The following ABCB1 variants were observed in gnomAD, a reference collection of about 807,000 sequenced individuals.
ABCB1 encodes the protein ATP binding cassette subfamily B member 1.
ABCB1 carries 69 observed loss-of-function variants against 142.0 expected under a neutral mutation model. The ratio of observed to expected loss-of-function variants is 0.49; its 90% CI spans 0.40 to 0.59. The LOEUF is 0.59. Ranked by LOEUF, ABCB1 falls within the 20% of genes least tolerant of loss-of-function variation. The pLI is 0.00. For missense variants in ABCB1, 1,326 were observed against 1,554.7 expected, an observed-to-expected ratio of 0.85 and a Z score of 2.47; for synonymous variants, 532 against 539.2, an observed-to-expected ratio of 0.99 and a Z score of 0.18.
chr7:87,675,653 CAAAAAAAA>C (rs200136132), intron 1 of ABCB1, among the ~76,000 whole-genome samples: 14,547 of 65,906 alleles, frequency 0.22, 1,001 homozygotes, highest in Admixed American at 0.35. Context: ...TATTCACATG[CAAAAAAAA>C]AAAAAAAAAA....
intron 1 of ABCB1, among the ~76,000 whole-genome samples, chr7:87,615,966 A>C (rs982648563): frequency 6.6e-6 from 1 of 152,260 alleles, no homozygotes; most frequent in Non-Finnish European, 1.5e-5. Context: ...AGGAGAGCAT[A>C]ACAAGCTCAT....
At chr7:87,598,339 G>T (rs537646501) in intron 2 of ABCB1, among the ~76,000 whole-genome samples, 1 of 152,050 alleles carries the variant, frequency 6.6e-6, no homozygotes, top group Non-Finnish European at 1.5e-5. Context: ...AAATGTTTTT[G>T]CAGATATATT....
upstream of ABCB1, chr7:87,603,084 C>A (rs927268443): frequency 6.6e-6 from 1 of 152,220 alleles, no homozygotes; most frequent in African/African-American, 2.4e-5. Flanking sequence ...ACCAACTTGT[C>A]TATACTCTGA....
At chr7:87,613,077 A>T (rs376614663) in intron 1 of ABCB1, among the ~76,000 whole-genome samples, 1 of 146,324 alleles carries the variant, frequency 6.8e-6, no homozygotes. Flanking sequence ...CAGCTTGGTC[A>T]TTGGTGCATA....
intron 1 of ABCB1, among the ~76,000 whole-genome samples, chr7:87,653,348 A>G (rs1348401362): frequency 6.6e-6 from 1 of 152,132 alleles, no homozygotes; most frequent in Non-Finnish European, 1.5e-5. Flanking sequence ...GCCAGGTTGG[A>G]GAAGTTAGGC....
At chr7:87,646,029 A>G (rs1822966505) in intron 1 of ABCB1, among the ~76,000 whole-genome samples, 1 of 152,202 alleles carries the variant, frequency 6.6e-6, no homozygotes, top group Non-Finnish European at 1.5e-5. Flanking sequence ...CTTGAAAATC[A>G]TAGAAATTGT....
intron 2 of ABCB1, 61 bp from the exon 3 acceptor site, chr7:87,595,875 A>C: frequency 7.8e-7 from 1 of 1,288,468 alleles, no homozygotes; most frequent in Non-Finnish European, 1.1e-6. Context: ...TAAATTACCC[A>C]AATTAACATA....
At chr7:87,568,689 A>G (rs916004624) in intron 5 of ABCB1, among the ~76,000 whole-genome samples, 1 of 152,334 alleles carries the variant, frequency 6.6e-6, no homozygotes, top group Middle Eastern at 3.4e-3. Flanking sequence ...CTACCTTGTA[A>G]CTTACAATGC....
At position 87,504,300 on chromosome 7, in the gene ABCB1, T is replaced by G; in HGVS notation, c.3786A>C (p.Ala1262=). The part of the protein sequence containing the change: ...KEHGTHQQLL[A]QKGIYFSMVS... Reference sequence around the variant, plus strand: ...CCATTGAAAAATAGATGCCTTTCTGTGCCAGCAGCTGCTGATGCGTGCCAT... The same window carrying G: ...CCATTGAAAAATAGATGCCTTTCTGGGCCAGCAGCTGCTGATGCGTGCCAT... The change falls in exon 28 of 28, where the codon GCA becomes GCC. Residue 1262 remains alanine (A), a synonymous_variant. Transcript: ENST00000622132. The G allele has an allele frequency of 6.2e-7, 1 of 1,614,044 alleles. No individual in the cohort carries two copies. The highest frequency in any genetic ancestry group is 8.5e-7 in the Non-Finnish European group (1 of 1,180,016).
intron 16 of ABCB1, 28 bp from the exon 17 acceptor site, chr7:87,544,303 C>T (rs1816673773): frequency 1.6e-5 from 25 of 1,610,278 alleles, no homozygotes; most frequent in Non-Finnish European, 1.8e-5. Context: ...TTACAACAGG[C>T]TAGTTAAAAA....
chr7:87,556,514 G>T (rs1817316720), intron 8 of ABCB1, among the ~76,000 whole-genome samples: 1 of 152,176 alleles, frequency 6.6e-6, no homozygotes, highest in South Asian at 2.1e-4. Flanking sequence ...AGAAGGGAAG[G>T]AGAAGAACAG....
intron 1 of ABCB1, chr7:87,629,135 T>A: frequency 2.2e-6 from 1 of 451,122 alleles, no homozygotes; most frequent in Non-Finnish European, 3.7e-6. Flanking sequence ...GTCGCAGCCC[T>A]GGACTTTGTG....
At chr7:87,619,131 TACA>T (rs1220926787) in intron 1 of ABCB1, among the ~76,000 whole-genome samples, 3 of 152,214 alleles carry the variant, frequency 2.0e-5, no homozygotes, top group Non-Finnish European at 4.4e-5. Context: ...TAATTTGTTA[TACA>T]ACAATAGAAA....
At chr7:87,544,314 CTTT>C in intron 16 of ABCB1, 39 bp from the exon 17 acceptor site, 1 of 1,601,864 alleles carries the variant, frequency 6.2e-7, no homozygotes, top group Non-Finnish European at 8.5e-7. Flanking sequence ...TAGTTAAAAA[CTTT>C]TATATGTACA....
intron 1 of ABCB1, among the ~76,000 whole-genome samples, chr7:87,671,774 T>TTCCGGTTGCC (rs1825846735): frequency 6.6e-6 from 1 of 152,114 alleles, no homozygotes; most frequent in Admixed American, 6.5e-5. Context: ...GGAGGTCCAC[T>TTCCGGTTGCC]TCAGCCCCCG....
At position 87,520,781 on chromosome 7, in the gene ABCB1, T is replaced by C. The variant is rs779463513; in HGVS notation, c.2781A>G (p.Pro927=). The C allele has an allele frequency of 1.5e-5, 25 of 1,613,150 alleles. No homozygotes were observed. The highest frequency in any genetic ancestry group is 2.0e-5 in the Non-Finnish European group (24 of 1,179,250). ...CACTCTTCAGCGGTTATTACCTGTA[T>C]GGTACCTGCAAACTCTGAGCATACA... ...EHMYAQSLQV[P]YRNSLRKAHI... The change falls in exon 22 of 28, where the codon CCA becomes CCG. Residue 927 remains proline, a synonymous_variant. Transcript: ENST00000622132.
intron 1 of ABCB1, among the ~76,000 whole-genome samples, chr7:87,668,262 G>A (rs1181740880): frequency 1.3e-5 from 2 of 152,018 alleles, no homozygotes; most frequent in African/African-American, 4.8e-5. Flanking sequence ...AGGTTTTCTA[G>A]TTTGTGTATG....
intron 25 of ABCB1, among the ~76,000 whole-genome samples, chr7:87,513,753 T>C (rs901576456): frequency 1.3e-4 from 20 of 152,214 alleles, no homozygotes; most frequent in African/African-American, 4.3e-4. Context: ...CCTATCTCCT[T>C]TAACTCACAA....
At chr7:87,566,717 A>G (rs1817796560) in intron 6 of ABCB1, 68 bp downstream of exon 6, 1 of 1,458,776 alleles carries the variant, frequency 6.9e-7, no homozygotes, top group Non-Finnish European at 9.6e-7. Flanking sequence ...AACAGATGTG[A>G]TGACATCTAT....
Sources: gnomAD v4.1 joint callset for allele counts (sites outside exome capture counted in the v4.1 genomes callset) on GRCh38, gnomAD v4.1.1 for gene constraint, MANE v1.5 for transcripts, NCBI Gene and HGNC (gene_info 2026-07-23, HGNC 2026-07-21) for gene names.